VPS13B: variants seen among roughly 807,000 people sequenced by gnomAD.
VPS13B encodes the protein vacuolar protein sorting 13 homolog B.
Under a neutral mutation model 426.4 loss-of-function variants are expected in VPS13B, and 285 were observed. The ratio of observed to expected loss-of-function variants is 0.67; its 90% confidence interval spans 0.61 to 0.74. The LOEUF is 0.74. VPS13B is among the 30% of genes least tolerant of loss of function. The pLI, the probability that VPS13B is intolerant of heterozygous loss-of-function variation, is 0.00. For synonymous variants in VPS13B, 1,676 were observed against 1,676.4 expected, an observed-to-expected ratio of 1.00 and a Z score of 0.01; for missense variants, 4,537 against 4,782.6, an observed-to-expected ratio of 0.95 and a Z score of 1.51.
chr8:99,678,209 T>A (rs1429324328), intron 35 of VPS13B, among the ~76,000 whole-genome samples: 1 of 152,194 alleles, frequency 6.6e-6, no homozygotes, highest in Non-Finnish European at 1.5e-5. Context: ...AATTTTCTGG[T>A]CATGTCCTCT....
chr8:99,234,442 A>C, intron 17 of VPS13B: 1 of 638,296 alleles, frequency 1.6e-6, no homozygotes, highest in Non-Finnish European at 3.0e-6. Context: ...TGATTTTCCC[A>C]TGCAATTCCA....
At chr8:99,483,214 T>C (rs1345600281) in intron 25 of VPS13B, among the ~76,000 whole-genome samples, 3 of 152,172 alleles carry the variant, frequency 2.0e-5, no homozygotes, top group African/African-American at 4.8e-5. Flanking sequence ...GCAACTTTTC[T>C]ATCTTGCCCA....
chr8:99,459,885 TA>T (rs1818736299), intron 23 of VPS13B, among the ~76,000 whole-genome samples: 1 of 152,190 alleles, frequency 6.6e-6, no homozygotes, highest in South Asian at 2.1e-4. Context: ...TTTCTTGTCT[TA>T]AATCAGTTTT....
In VPS13B at chr8:99,597,017, A is replaced by G. The variant is rs548318983; in HGVS notation, c.5220+19384A>G. Among the ~76,000 whole-genome samples the G allele has an allele frequency of 2.6e-3, 402 of 152,194 alleles. 1 individual carries two copies. The highest frequency in any genetic ancestry group is 9.3e-3 in the African/African-American group (385 of 41,558). On this transcript the variant is annotated intron_variant, in intron 33 of 61. Coordinates refer to ENST00000357162, the MANE Select transcript of VPS13B (RefSeq NM_152564.5). ...CCTCAAATAGATCCTAAAGTTCTAT[A>G]TCATATAATATGTCAGAAATAGTGT... is the stretch of plus-strand genomic sequence containing the variant.
intron 35 of VPS13B, among the ~76,000 whole-genome samples, chr8:99,669,970 T>A (rs2129868027): frequency 6.6e-6 from 1 of 152,246 alleles, no homozygotes; most frequent in Middle Eastern, 3.4e-3. Flanking sequence ...TATTTGTACT[T>A]AAATGCTATA....
chr8:99,556,716 T>C (rs1474913099), intron 31 of VPS13B, 63 bp downstream of exon 31: 12 of 1,557,126 alleles, frequency 7.7e-6, no homozygotes, highest in Middle Eastern at 1.7e-4. Flanking sequence ...TAGTTGGTGA[T>C]ACAATCTTTA....
At chr8:99,347,775 A>T (rs1291213172) in intron 19 of VPS13B, 2 of 152,258 alleles carry the variant, frequency 1.3e-5, no homozygotes, top group East Asian at 1.9e-4. Context: ...GGAGTAGTGG[A>T]ATAAGAAGAA....
intron 55 of VPS13B, among the ~76,000 whole-genome samples, chr8:99,850,605 A>T (rs1816240663): frequency 6.6e-6 from 1 of 152,216 alleles, no homozygotes; most frequent in Non-Finnish European, 1.5e-5. Context: ...ACCAACTTTC[A>T]TACGTTTGTT....
At chr8:99,710,115 G>A (rs16897587) in intron 36 of VPS13B, among the ~76,000 whole-genome samples, 2,934 of 151,992 alleles carry the variant, frequency 0.019, 100 homozygotes, top group African/African-American at 0.068. Context: ...GGAAATTTAG[G>A]GAAAAAACTA....
At chr8:99,571,929 A>G (rs1460516075) in intron 31 of VPS13B, among the ~76,000 whole-genome samples, 1 of 152,200 alleles carries the variant, frequency 6.6e-6, no homozygotes, top group Non-Finnish European at 1.5e-5. Flanking sequence ...CAGACACCAT[A>G]TAGAGCTCTG....
intron 3 of VPS13B, among the ~76,000 whole-genome samples, chr8:99,084,364 C>T (rs1320219876): frequency 6.6e-6 from 1 of 152,118 alleles, no homozygotes; most frequent in East Asian, 1.9e-4. Context: ...ATTACTCTTG[C>T]TAGCAGTCTA....
Position 99,875,635 on chromosome 8 carries a change from AAAAT to A in VPS13B, c.11967_11970del (p.Asn3989LysfsTer3), listed in dbSNP as rs769983613. 3.7e-6 allele frequency: 6 copies of A among 1,614,078 alleles called. No homozygotes were observed. The highest frequency in any genetic ancestry group is 3.3e-5 in the Admixed American group (2 of 60,008). Reference sequence around the variant, plus strand: ...TTCCTTAGTAAATTTACCATGGTGAAAAATAAAGCCCTGAGGAAAGGGTTTCCTT... The same window carrying A: ...TTCCTTAGTAAATTTACCATGGTGAAAAAGCCCTGAGGAAAGGGTTTCCTT... On this transcript the variant is annotated frameshift_variant, in exon 62 of 62. Coordinates refer to ENST00000357162, the MANE Select transcript of VPS13B (RefSeq NM_152564.5). LOFTEE classifies it high-confidence loss of function.
intron 19 of VPS13B, among the ~76,000 whole-genome samples, chr8:99,318,497 T>A (rs1037195716): frequency 6.6e-6 from 1 of 152,096 alleles, no homozygotes; most frequent in Non-Finnish European, 1.5e-5. Context: ...TATCCTGTCA[T>A]TGAGAGTAAC....
At chr8:99,727,320 T>C (rs936822637) in intron 39 of VPS13B, among the ~76,000 whole-genome samples, 13 of 152,192 alleles carry the variant, frequency 8.5e-5, no homozygotes, top group Admixed American at 2.0e-4. Context: ...AATAATGAGT[T>C]AGACAAAGAT....
chr8:99,431,760 C>A, intron 22 of VPS13B, 96 bp downstream of exon 22: 1 of 1,268,348 alleles, frequency 7.9e-7, no homozygotes. Flanking sequence ...TCACATGTAA[C>A]AATTATGTAT....
At chr8:99,562,934 C>T (rs1024936544) in intron 31 of VPS13B, among the ~76,000 whole-genome samples, 6 of 152,070 alleles carry the variant, frequency 3.9e-5, no homozygotes, top group East Asian at 3.9e-4. Context: ...GCGGGAGGAT[C>T]GCTTGAAGCC....
chr8:99,181,864 G>T (rs916227009), intron 16 of VPS13B, among the ~76,000 whole-genome samples: 2 of 152,034 alleles, frequency 1.3e-5, no homozygotes, highest in African/African-American at 2.4e-5. Context: ...CTGAGGAACA[G>T]ACTGAGTAAA....
intron 25 of VPS13B, among the ~76,000 whole-genome samples, chr8:99,486,134 G>T (rs1212081812): frequency 6.6e-6 from 1 of 152,078 alleles, no homozygotes; most frequent in Non-Finnish European, 1.5e-5. Flanking sequence ...AGGGAACCTT[G>T]GGCAGTTTTT....
chr8:99,641,933 G>A lies in VPS13B; in HGVS notation c.5343G>A (p.Val1781=). ...GTGACAGTGTTAAAATCAGAATAGT[G>A]CAAATAGAGCAGCACAGTGGTGCCA... ...IGSDSVKIRI[V]QIEQHSGASQ... Residue 1781 remains valine (V), a synonymous_variant, in exon 34 of 62, where the codon GTG becomes GTA. Coordinates refer to ENST00000357162, the MANE Select transcript of VPS13B (RefSeq NM_152564.5). 1 of 1,614,094 alleles carries A rather than the reference G, an allele frequency of 6.2e-7. No individual in the cohort carries two copies. Among genetic ancestry groups the A allele is most frequent in the African/African-American group, 1.3e-5 (1 of 75,026 alleles).
Sources: gnomAD v4.1 joint callset for allele counts (sites outside exome capture counted in the v4.1 genomes callset) on GRCh38, gnomAD v4.1.1 for gene constraint, MANE v1.5 for transcripts, NCBI Gene and HGNC (gene_info 2026-07-23, HGNC 2026-07-21) for gene names.